FAM184B: variants seen among roughly 807,000 people sequenced by gnomAD.
FAM184B encodes the protein protein FAM184B.
A neutral mutation model predicts 135.9 loss-of-function variants in FAM184B; 111 were observed. The observed-to-expected ratio is 0.82, with a 90% CI of 0.70 to 0.96. The LOEUF is 0.96. Ranked by LOEUF, FAM184B falls within the 40% of genes least tolerant of loss-of-function variation. The pLI is 0.00. For missense variants in FAM184B, 1,375 were observed against 1,323.9 expected (o/e 1.04, Z -0.60); for synonymous variants, 552 against 524.8 (o/e 1.05, Z -0.71).
chr4:17,774,710 C>T (rs990392004), intron 1 of FAM184B, among the ~76,000 whole-genome samples: 3 of 152,218 alleles, frequency 2.0e-5, no homozygotes, highest in African/African-American at 7.2e-5. Context: ...TAAGATGGGC[C>T]TGGGCCCTGT....
chr4:17,656,424 C>T (rs938973820), intron 10 of FAM184B, among the ~76,000 whole-genome samples: 8 of 152,166 alleles, frequency 5.3e-5, no homozygotes, highest in South Asian at 2.1e-4. Context: ...TGTTTTGAGA[C>T]GGAGTCTTGC....
At chr4:17,753,951 T>C (rs1398147637) in intron 1 of FAM184B, among the ~76,000 whole-genome samples, 1 of 152,174 alleles carries the variant, frequency 6.6e-6, no homozygotes, top group East Asian at 1.9e-4. Context: ...TTATGGTAAG[T>C]ACAGTTTACA....
intron 1 of FAM184B, among the ~76,000 whole-genome samples, chr4:17,754,322 C>G (rs2108989675): frequency 6.6e-6 from 1 of 152,176 alleles, no homozygotes; most frequent in Non-Finnish European, 1.5e-5. Context: ...GAGGCCGAGG[C>G]AGGTAGATCA....
intron 7 of FAM184B, among the ~76,000 whole-genome samples, chr4:17,673,767 A>G (rs1250439234): frequency 6.6e-6 from 1 of 152,134 alleles, no homozygotes; most frequent in African/African-American, 2.4e-5. Context: ...TTCAGGAGGA[A>G]AGGTTGGGAA....
chr4:17,683,642 A>G (rs1010828306), intron 7 of FAM184B, among the ~76,000 whole-genome samples: 1 of 152,198 alleles, frequency 6.6e-6, no homozygotes, highest in Admixed American at 6.5e-5. Flanking sequence ...CTAAATGTCA[A>G]TCATAAGGGA....
At chr4:17,681,735 C>A (rs746896314) in intron 7 of FAM184B, among the ~76,000 whole-genome samples, 1 of 152,120 alleles carries the variant, frequency 6.6e-6, no homozygotes, top group Non-Finnish European at 1.5e-5. Flanking sequence ...GTCCCTGGAT[C>A]CTTCCCAAAT....
chr4:17,758,089 C>T (rs540008433), intron 1 of FAM184B, among the ~76,000 whole-genome samples: 1 of 152,320 alleles, frequency 6.6e-6, no homozygotes, highest in South Asian at 2.1e-4. Context: ...CAGCTACTAA[C>T]TAGCTGTGTG....
At chr4:17,666,662 TC>T (rs1357269662) in intron 7 of FAM184B, among the ~76,000 whole-genome samples, 1 of 151,650 alleles carries the variant, frequency 6.6e-6, no homozygotes, top group African/African-American at 2.4e-5. Context: ...TTCTCTAAAA[TC>T]TCACCCCCCT....
chr4:17,781,202 T>A lies in FAM184B; in HGVS notation c.98A>T (p.Gln33Leu). ...CTTCTTGCACATTTTCACGTGCATC[T>A]GGGGATCACAGTCCATTCTCCAGCC... The part of the protein sequence containing the change: ...GAGWRMDCDP[Q>L]MHVKMCKKIA... The change falls in exon 1 of 18, where the codon CAG (glutamine) becomes CTG (leucine). Residue 33 changes from glutamine to leucine, a missense_variant. Coordinates refer to ENST00000265018, the MANE Select transcript of FAM184B (RefSeq NM_015688.2). This position sits in a 1 kb window ranked among gnomAD's most constrained non-coding sequence, Gnocchi z 6.5. 2 of 1,550,520 alleles carry A rather than the reference T, an allele frequency of 1.3e-6. No homozygotes were observed. Among genetic ancestry groups the A allele is most frequent in the Non-Finnish European group, 1.7e-6 (2 of 1,146,468 alleles).
chr4:17,763,242 T>C (rs920326020), intron 1 of FAM184B, among the ~76,000 whole-genome samples: 2 of 152,156 alleles, frequency 1.3e-5, no homozygotes, highest in Admixed American at 6.5e-5. Flanking sequence ...AAAATGAGAT[T>C]CTCTAAATTG....
chr4:17,731,397 G>A (rs1336111901), intron 1 of FAM184B, among the ~76,000 whole-genome samples: 3 of 152,182 alleles, frequency 2.0e-5, no homozygotes, highest in Admixed American at 6.5e-5. Context: ...TGGATAAAGA[G>A]TCAAGATACA....
chr4:17,697,532 G>C (rs961965801), intron 5 of FAM184B, among the ~76,000 whole-genome samples: 7 of 152,146 alleles, frequency 4.6e-5, no homozygotes, highest in Non-Finnish European at 8.8e-5. Context: ...TTCTCCTTTG[G>C]TTTCAAACAA....
chr4:17,702,983 G>A (rs1260134809), intron 5 of FAM184B, among the ~76,000 whole-genome samples: 5 of 152,214 alleles, frequency 3.3e-5, no homozygotes, highest in African/African-American at 1.2e-4. Flanking sequence ...ACGGGCTCTG[G>A]AGTCAGGATA....
At chr4:17,635,957 G>A (rs1360995719) in intron 15 of FAM184B, among the ~76,000 whole-genome samples, 2 of 152,122 alleles carry the variant, frequency 1.3e-5, no homozygotes, top group African/African-American at 4.8e-5. Flanking sequence ...TCAAACCTAA[G>A]CCATTATAGA....
intron 5 of FAM184B, among the ~76,000 whole-genome samples, chr4:17,701,895 A>AGCACTT (rs1716992970): frequency 6.6e-6 from 1 of 152,210 alleles, no homozygotes; most frequent in South Asian, 2.1e-4. Flanking sequence ...ATGACTAGGG[A>AGCACTT]GCACTTGAAA....
At chr4:17,716,614 G>C (rs1223024006) in intron 1 of FAM184B, among the ~76,000 whole-genome samples, 1 of 151,992 alleles carries the variant, frequency 6.6e-6, no homozygotes, top group East Asian at 1.9e-4. Flanking sequence ...CAAGAGTGCT[G>C]GGATTATAGG....
intron 1 of FAM184B, among the ~76,000 whole-genome samples, chr4:17,775,833 T>G (rs1268096984): frequency 6.6e-6 from 1 of 152,160 alleles, no homozygotes; most frequent in Admixed American, 6.5e-5. Flanking sequence ...TAATAGACAC[T>G]GGAGACTCCA....
chr4:17,648,391 G>A (rs1715522973), intron 11 of FAM184B, among the ~76,000 whole-genome samples: 1 of 151,654 alleles, frequency 6.6e-6, no homozygotes, highest in African/African-American at 2.4e-5. Flanking sequence ...TTGTTTCCCA[G>A]GCTGGAGTGC....
chr4:17,692,290 GC>G (rs1716755822), intron 6 of FAM184B, among the ~76,000 whole-genome samples: 2 of 152,252 alleles, frequency 1.3e-5, no homozygotes, highest in Admixed American at 1.3e-4. Context: ...TTGCTGTGCA[GC>G]CCCACCTTGG....
Sources: allele counts gnomAD v4.1 joint callset (sites outside exome capture counted in the v4.1 genomes callset), GRCh38; gene constraint gnomAD v4.1.1; non-coding constraint Gnocchi (gnomAD v3.1); transcripts MANE v1.5; gene names NCBI Gene and HGNC (gene_info 2026-07-23, HGNC 2026-07-21).